Variants in TEKT3 observed in about 807,000 individuals in gnomAD.
TEKT3 encodes tektin-3.
A neutral mutation model predicts 49.8 loss-of-function variants in TEKT3; 49 were observed. That is an observed-to-expected ratio of 0.98 (90% CI 0.78 to 1.25). The LOEUF (loss-of-function observed/expected upper bound fraction) is 1.25. Among genes scored for constraint, TEKT3 ranks in the 50% most tolerant of loss-of-function variants. The pLI is 0.00. For missense variants in TEKT3, 595 were observed against 629.5 expected (o/e 0.95, Z 0.59); for synonymous variants, 225 against 237.2 (o/e 0.95, Z 0.47).
rs747045715 is a variant in TEKT3, at chr17:15,304,464, C to T, written c.1257-312G>A. 6.6e-6 allele frequency among the ~76,000 whole-genome samples: 1 copy of T among 152,080 alleles called. No individual in the cohort carries two copies. The highest frequency in any genetic ancestry group is 2.4e-5 in the African/African-American group (1 of 41,406). On this transcript the variant is annotated intron_variant, in intron 8 of 8. Coordinates refer to ENST00000395930, the MANE Select transcript of TEKT3 (RefSeq NM_031898.3). This position sits in a 1 kb window ranked among gnomAD's most constrained non-coding sequence, Gnocchi z 4.7. ...TTCACAGAAATTCACAACTGGAAAA[C>T]GAATTTAGAGAGGTCACCAAGCCCA...
At chr17:15,338,493 T>A (rs1018578601) in intron 2 of TEKT3, 1 of 151,228 alleles carries the variant, frequency 6.6e-6, no homozygotes, top group African/African-American at 2.4e-5. Flanking sequence ...CTCTAAATTC[T>A]AACTCAGTCA....
rs1321696169 is a variant in TEKT3, at chr17:15,330,202, T to TAA, written c.579+804_579+805insTT. Among the ~76,000 whole-genome samples, 12 of 152,242 alleles carry TAA rather than the reference T, an allele frequency of 7.9e-5. 2 individuals are homozygous for TAA. The highest frequency in any genetic ancestry group is 7.2e-4 in the Admixed American group (11 of 15,286). On this transcript the variant is annotated intron_variant, in intron 3 of 8. Coordinates refer to ENST00000395930, the MANE Select transcript of TEKT3 (RefSeq NM_031898.3). ...CATATATACAGGAGGCGTTTCATGA[T>TAA]ACAGACTAAAAAAATAAAGGTTTTG...
chr17:15,342,256 C>A (rs116111515), upstream of TEKT3, among the ~76,000 whole-genome samples: 1,217 of 152,256 alleles, frequency 8.0e-3, 10 homozygotes, highest in African/African-American at 0.028. Context: ...GATGAAGAAA[C>A]TGAAGTTCGA....
At chr17:15,317,089 T>C (rs922982754) in intron 5 of TEKT3, among the ~76,000 whole-genome samples, 2 of 152,152 alleles carry the variant, frequency 1.3e-5, no homozygotes, top group Non-Finnish European at 2.9e-5. Flanking sequence ...CAGATCACAG[T>C]GGCCGCCCCA....
intron 7 of TEKT3, 56 bp downstream of exon 7, chr17:15,312,203 C>G: frequency 6.5e-7 from 1 of 1,549,488 alleles, no homozygotes; most frequent in South Asian, 1.1e-5. Flanking sequence ...TTTGTAGTCC[C>G]AGAGCACACC....
Position 15,327,978 on chromosome 17 carries a change from T to C in TEKT3, c.663+14A>G, listed in dbSNP as rs1173612514. ...CTAAGCTGCCTGTGACTGATGCATT[T>C]CCCCCACATTTACCGTCAGCAGTTG... On this transcript the variant is annotated intron_variant, in intron 4 of 8. Transcript: ENST00000395930. 3.1e-6 allele frequency: 5 copies of C among 1,612,174 alleles called. No individual in the cohort carries two copies. Among genetic ancestry groups the C allele is most frequent in the Non-Finnish European group, 2.5e-6 (3 of 1,178,264 alleles).
chr17:15,331,248 G>T lies in TEKT3; in HGVS notation c.338C>A (p.Ser113Tyr), dbSNP rs144818130. ...TCTTAGTTTCTCCGAATTATGTCGGGAAGTGTTGGACTCTTGATAGTTGGT... is the reference window on the plus strand; with the variant it reads ...TCTTAGTTTCTCCGAATTATGTCGGTAAGTGTTGGACTCTTGATAGTTGGT... ...NLTNYQESNT[S>Y]RHNSEKLRVD... is the part of the protein sequence containing the mutation. The change falls in exon 3 of 9, where the codon TCC (serine) becomes TAC (tyrosine). Residue 113 changes from serine (S) to tyrosine (Y), a missense_variant. Ser to Tyr is a moderately radical substitution (Grantham distance 144). Coordinates refer to ENST00000395930, the MANE Select transcript of TEKT3 (RefSeq NM_031898.3). 6.0e-4 allele frequency: 967 copies of T among 1,614,208 alleles called. 10 individuals are homozygous for T. Among genetic ancestry groups the T allele is most frequent in the Non-Finnish European group, 3.7e-4 (432 of 1,180,046 alleles).
Sources: allele counts gnomAD v4.1 joint callset (sites outside exome capture counted in the v4.1 genomes callset), GRCh38; gene constraint gnomAD v4.1.1; non-coding constraint Gnocchi (gnomAD v3.1); transcripts MANE v1.5; gene names NCBI Gene and HGNC (gene_info 2026-07-23, HGNC 2026-07-21).